The following CSMD2 variants were observed in gnomAD, a reference collection of about 807,000 sequenced individuals.
CSMD2 encodes CUB and sushi domain-containing protein 2.
Under a neutral mutation model 398.5 loss-of-function variants are expected in CSMD2, and 130 were observed. That is an observed-to-expected ratio of 0.33 (90% CI 0.28 to 0.38). The LOEUF is 0.38. Among genes scored for constraint, CSMD2 ranks in the 10% least tolerant of loss-of-function variants. CSMD2 has a pLI of 1.00. For synonymous variants in CSMD2, 1,828 were observed against 1,908.5 expected (o/e 0.96, Z 1.10); for missense variants, 3,829 against 4,764.9 (o/e 0.80, Z 5.78).
At chr1:34,162,393 C>T (rs756890152) in intron 1 of CSMD2, among the ~76,000 whole-genome samples, 1 of 152,084 alleles carries the variant, frequency 6.6e-6, no homozygotes, top group African/African-American at 2.4e-5. Flanking sequence ...GGAAGGGAGA[C>T]GGTTCAGTCC....
At chr1:34,030,375 G>A (rs952364103) in intron 3 of CSMD2, among the ~76,000 whole-genome samples, 10 of 152,192 alleles carry the variant, frequency 6.6e-5, no homozygotes, top group Non-Finnish European at 1.2e-4. Context: ...CAGTTGTAGT[G>A]CATGAAGACA....
chr1:33,990,259 T>A (rs1448329063), intron 3 of CSMD2, among the ~76,000 whole-genome samples: 1 of 151,862 alleles, frequency 6.6e-6, no homozygotes, highest in Non-Finnish European at 1.5e-5. Context: ...ACGACAAGAG[T>A]GAAATTCCAT....
At chr1:33,725,758 T>C (rs568567350) in intron 16 of CSMD2, among the ~76,000 whole-genome samples, 1 of 152,178 alleles carries the variant, frequency 6.6e-6, no homozygotes, top group East Asian at 1.9e-4. Flanking sequence ...GCTCTCATCC[T>C]CTCTGTGGCC....
chr1:33,847,853 G>A (rs1460650273), intron 5 of CSMD2, among the ~76,000 whole-genome samples: 2 of 152,084 alleles, frequency 1.3e-5, no homozygotes, highest in African/African-American at 4.8e-5. Context: ...AAGCTTGCAA[G>A]GATTAAATGA....
At position 33,727,817 on chromosome 1, in the gene CSMD2, C is replaced by T. The variant is rs558339430; in HGVS notation, c.2369-1132G>A. ...CTGGGATTTGGAGGTTGTAAGTTAA[C>T]ACCGTGTAGCCTAGCCCACCCAGAC... On this transcript the variant is annotated intron_variant, in intron 15 of 70. Transcript: ENST00000373381. Among the ~76,000 whole-genome samples, 108 of 152,254 alleles carry T rather than the reference C, an allele frequency of 7.1e-4. 1 individual carries two copies. In the South Asian group the frequency reaches 0.022, roughly 32 times the overall value.
intron 32 of CSMD2, among the ~76,000 whole-genome samples, chr1:33,626,979 A>G (rs1358956944): frequency 1.3e-5 from 2 of 152,256 alleles, no homozygotes; most frequent in East Asian, 3.9e-4. Context: ...TACTTGGAAA[A>G]CTGACATCAA....
At chr1:33,615,877 C>T (rs1003677672) in intron 39 of CSMD2, among the ~76,000 whole-genome samples, 1 of 152,210 alleles carries the variant, frequency 6.6e-6, no homozygotes, top group African/African-American at 2.4e-5. Context: ...GCCCCAAGGT[C>T]AGCCTTGAGG....
At position 33,527,319 on chromosome 1, in the gene CSMD2, A is replaced by G. The variant is rs1654865298; in HGVS notation, c.10172-61T>C. 3 of 1,388,478 alleles carry G rather than the reference A, an allele frequency of 2.2e-6. No individual in the cohort carries two copies. The African/African-American group carries it at 4.3e-5, about 20-fold the overall frequency. 86.0% of individuals were successfully genotyped at this position (1,388,478 alleles called of 1,614,324 possible). On this transcript the variant is annotated intron_variant, in intron 64 of 70. Transcript: ENST00000373381. ...GCTTCTGGTTCACACTCTGTTGGAA[A>G]AATAATGACCACCTGTCTGACCTTA...
chr1:33,884,030 AGACACACAGTG>A (rs1339406666), intron 5 of CSMD2, among the ~76,000 whole-genome samples: 7 of 152,118 alleles, frequency 4.6e-5, no homozygotes, highest in African/African-American at 1.7e-4. Flanking sequence ...TGACCATAGC[AGACACACAGTG>A]GACACACAGT....
chr1:34,116,116 G>C (rs897229442), intron 1 of CSMD2, among the ~76,000 whole-genome samples: 1 of 151,956 alleles, frequency 6.6e-6, no homozygotes, highest in African/African-American at 2.4e-5. Context: ...AATTACTTTC[G>C]ATGTAAATGG....
chr1:33,689,764 TATC>T (rs1474684253), intron 25 of CSMD2, among the ~76,000 whole-genome samples: 4 of 152,248 alleles, frequency 2.6e-5, no homozygotes, highest in African/African-American at 9.6e-5. Context: ...AGAAATGAAG[TATC>T]ATGATGTTGA....
intron 5 of CSMD2, among the ~76,000 whole-genome samples, chr1:33,857,802 G>A (rs1267085031): frequency 6.6e-6 from 1 of 152,194 alleles, no homozygotes; most frequent in Admixed American, 6.5e-5. Flanking sequence ...CAAAAGAAGT[G>A]AGGAGTGCTA....
Position 33,725,454 on chromosome 1 carries a change from C to T in CSMD2, c.2590G>A (p.Gly864Arg). ...ATGAGGAACTGGGGAACCTGGGTCCCGTGGTAAACCCCGATCAAGGGCGCT... is the reference window on the plus strand; with the variant it reads ...ATGAGGAACTGGGGAACCTGGGTCCTGTGGTAAACCCCGATCAAGGGCGCT... ...YSAPLIGVYH[G>R]TQVPQFLIST... The change falls in exon 17 of 71, where the codon GGG becomes AGG. Residue 864 changes from glycine (G) to arginine (R), a missense_variant. By Grantham distance (125) the Gly-to-Arg change is moderately radical. Coordinates refer to ENST00000373381, the MANE Select transcript of CSMD2 (RefSeq NM_001281956.2). The T allele has an allele frequency of 2.5e-6, 4 of 1,614,162 alleles. No homozygotes were observed. The highest frequency in any genetic ancestry group is 3.4e-6 in the Non-Finnish European group (4 of 1,180,014).
rs747076921 is a variant in CSMD2 at position 33,633,830 on chromosome 1, C to A, written c.5087-295G>T. 6.6e-6 allele frequency among the ~76,000 whole-genome samples: 1 copy of A among 152,168 alleles called. No individual in the cohort carries two copies. Among genetic ancestry groups the A allele is most frequent in the Non-Finnish European group, 1.5e-5 (1 of 68,024 alleles). The stretch of plus-strand genomic sequence containing the variant: ...AGGCGAAATGGAGCCAACTTTGTTC[C>A]TTTCCCAGATAGCAGCTGCAGCAGC... On this transcript the variant is annotated intron_variant, in intron 31 of 70. Coordinates refer to ENST00000373381, the MANE Select transcript of CSMD2 (RefSeq NM_001281956.2). This position sits in a 1 kb window ranked among gnomAD's most constrained non-coding sequence, Gnocchi z 5.0.
chr1:33,684,558 C>A (rs1362331354), intron 25 of CSMD2, among the ~76,000 whole-genome samples: 1 of 152,194 alleles, frequency 6.6e-6, no homozygotes, highest in Non-Finnish European at 1.5e-5. Context: ...ACCAGGATCC[C>A]TCAACAGTGC....
chr1:33,954,185 C>T (rs1317109498), intron 3 of CSMD2, among the ~76,000 whole-genome samples: 1 of 152,204 alleles, frequency 6.6e-6, no homozygotes, highest in Non-Finnish European at 1.5e-5. Context: ...ATAGTACTAT[C>T]ATGATCTTGT....
chr1:33,886,365 G>A (rs939396493), intron 5 of CSMD2, among the ~76,000 whole-genome samples: 2 of 152,174 alleles, frequency 1.3e-5, no homozygotes, highest in East Asian at 1.9e-4. Flanking sequence ...AAAGTCGGGC[G>A]TACTGGTGTT....
chr1:33,539,053 C>T (rs570855203), intron 60 of CSMD2, among the ~76,000 whole-genome samples: 1 of 152,160 alleles, frequency 6.6e-6, no homozygotes, highest in East Asian at 1.9e-4. Flanking sequence ...CTGCAAGCTC[C>T]GCCTCCTGGG....
intron 49 of CSMD2, 47 bp from the exon 50 acceptor site, chr1:33,572,738 T>G: frequency 6.8e-7 from 1 of 1,467,982 alleles, no homozygotes; most frequent in Non-Finnish European, 9.2e-7. Flanking sequence ...TAAGATGGTA[T>G]TCTGAGAAAC....
Sources: gnomAD v4.1 joint callset for allele counts (sites outside exome capture counted in the v4.1 genomes callset) on GRCh38, gnomAD v4.1.1 for gene constraint, Gnocchi (gnomAD v3.1) non-coding constraint, MANE v1.5 for transcripts, NCBI Gene and HGNC (gene_info 2026-07-23, HGNC 2026-07-21) for gene names.